The following SV2C variants were observed in gnomAD, a reference collection of about 807,000 sequenced individuals.
SV2C encodes the protein synaptic vesicle glycoprotein 2C.
A neutral mutation model predicts 79.7 loss-of-function variants in SV2C; 49 were observed. The observed-to-expected ratio is 0.61, with a 90% confidence interval of 0.49 to 0.78. The LOEUF is 0.78. Ranked by LOEUF, SV2C falls within the 30% of genes least tolerant of loss-of-function variation. The pLI, the probability that SV2C is intolerant of heterozygous loss-of-function variation, is 0.00. For synonymous variants in SV2C, 334 were observed against 333.2 expected, an observed-to-expected ratio of 1.00 and a Z score of -0.03; for missense variants, 833 against 912.9, an observed-to-expected ratio of 0.91 and a Z score of 1.13.
intron 12 of SV2C, chr5:76,353,091 C>T (rs1204236093): frequency 4.5e-6 from 2 of 441,606 alleles, no homozygotes; most frequent in Admixed American, 5.0e-5. Context: ...CAGGTGGGAG[C>T]CACCATGCCC....
chr5:75,875,839 G>T, the SV2C span, among the ~76,000 whole-genome samples: 3 of 152,074 alleles, frequency 2.0e-5, no homozygotes, highest in African/African-American at 4.8e-5. Context: ...CAATATCACT[G>T]ATCATTAGAT....
intron 12 of SV2C, among the ~76,000 whole-genome samples, chr5:76,349,783 C>T (rs377433230): frequency 1.3e-5 from 2 of 151,920 alleles, no homozygotes; most frequent in Non-Finnish European, 2.9e-5. Flanking sequence ...GAACCTCCCA[C>T]CTTGGCCTCC....
the SV2C span, among the ~76,000 whole-genome samples, chr5:75,999,656 T>C: frequency 5.0e-5 from 6 of 118,812 alleles, no homozygotes; most frequent in Admixed American, 2.4e-4. Context: ...CTCTGCCTTT[T>C]TTTTTTTTTC....
intron 4 of SV2C, 65 bp downstream of exon 4, chr5:76,209,952 T>C (rs893893549): frequency 6.6e-6 from 10 of 1,526,448 alleles, no homozygotes; most frequent in African/African-American, 5.5e-5. Flanking sequence ...CATTCCCATC[T>C]TCTTCCTCTC....
rs1554048489 is a variant in SV2C at position 76,330,561 on chromosome 5, C to CCG, written c.*5015_*5016insGC. The CCG allele has an allele frequency of 0.07, 10,512 of 149,452 alleles. 440 individuals are homozygous for CCG. The highest frequency in any genetic ancestry group is 0.092 in the East Asian group (466 of 5,068). 9.3% of individuals were successfully genotyped at this position (149,452 alleles called of 1,614,324 possible). On this transcript the variant is annotated 3_prime_UTR_variant, in exon 13 of 13. Coordinates refer to ENST00000502798, the MANE Select transcript of SV2C (RefSeq NM_014979.4). ...CCATTACATGTGAACCCTCCGCGCC[C>CCG]CCCCCCATAAATACAAAGTGTTATT...
At chr5:75,921,092 TG>T in the SV2C span, 1 of 784,000 alleles carries the variant, frequency 1.3e-6, no homozygotes, top group Non-Finnish European at 2.2e-6. Flanking sequence ...GCCAAACTCC[TG>T]GGTGAGGGCA....
the SV2C span, among the ~76,000 whole-genome samples, chr5:76,039,824 T>A: frequency 6.6e-6 from 1 of 151,500 alleles, no homozygotes; most frequent in Non-Finnish European, 1.5e-5. Flanking sequence ...TAACTACTTA[T>A]GGAGGATTGC....
At chr5:76,335,608 G>A (rs1412099735), downstream of SV2C, among the ~76,000 whole-genome samples, 1 of 151,738 alleles carries the variant, frequency 6.6e-6, no homozygotes, top group African/African-American at 2.4e-5. Flanking sequence ...TTGAGATTAG[G>A]GAGTGGTGAT....
At chr5:76,310,100 A>C (rs941722144) in intron 12 of SV2C, among the ~76,000 whole-genome samples, 6 of 152,186 alleles carry the variant, frequency 3.9e-5, no homozygotes, top group African/African-American at 1.2e-4. Flanking sequence ...GAACTATTTT[A>C]GTCATTGGGA....
At chr5:76,135,543 G>T (rs1035637746) in intron 2 of SV2C, among the ~76,000 whole-genome samples, 2 of 152,186 alleles carry the variant, frequency 1.3e-5, no homozygotes, top group East Asian at 1.9e-4. Context: ...GCTTTCAGGC[G>T]CCGCAGTCTT....
At chr5:76,166,428 T>C (rs946983158) in intron 2 of SV2C, among the ~76,000 whole-genome samples, 2 of 152,210 alleles carry the variant, frequency 1.3e-5, no homozygotes, top group Admixed American at 6.5e-5. Context: ...TGTAAAGAGA[T>C]AGAAGGAATG....
chr5:76,090,989 T>C (rs1441388741), intron 1 of SV2C, among the ~76,000 whole-genome samples: 1 of 152,218 alleles, frequency 6.6e-6, no homozygotes, highest in Non-Finnish European at 1.5e-5. Flanking sequence ...TATTTTAATA[T>C]CACTTTTTAG....
At chr5:76,257,143 C>T (rs112667704) in intron 4 of SV2C, among the ~76,000 whole-genome samples, 1,538 of 122,860 alleles carry the variant, frequency 0.013, 35 homozygotes, top group African/African-American at 0.038. Context: ...AAAGAAATTC[C>T]TTGATGTTCC....
chr5:76,228,205 T>C (rs930818592), intron 4 of SV2C, among the ~76,000 whole-genome samples: 2 of 152,160 alleles, frequency 1.3e-5, no homozygotes, highest in African/African-American at 2.4e-5. Flanking sequence ...TACTGCACCA[T>C]CAGGGAGAAT....
intron 4 of SV2C, among the ~76,000 whole-genome samples, chr5:76,259,653 G>C (rs1397972279): frequency 6.7e-6 from 1 of 148,888 alleles, no homozygotes; most frequent in Non-Finnish European, 1.5e-5. Context: ...CTATGTTCAT[G>C]TGTTCTCATT....
At chr5:75,879,585 G>A in the SV2C span, among the ~76,000 whole-genome samples, 2 of 152,114 alleles carry the variant, frequency 1.3e-5, no homozygotes, top group South Asian at 4.1e-4. Flanking sequence ...CAAGGCCTTG[G>A]GCAGCTTTGC....
At chr5:76,107,251 G>A (rs1747949249) in intron 1 of SV2C, among the ~76,000 whole-genome samples, 1 of 152,134 alleles carries the variant, frequency 6.6e-6, no homozygotes, top group Non-Finnish European at 1.5e-5. Context: ...CAAATATGAG[G>A]ATTATAAATT....
At chr5:76,276,907 A>T (rs905045900) in intron 4 of SV2C, among the ~76,000 whole-genome samples, 7 of 151,878 alleles carry the variant, frequency 4.6e-5, no homozygotes, top group African/African-American at 1.7e-4. Context: ...ATGGATTATA[A>T]CTTCCTTGAG....
chr5:76,033,207 C>T, the SV2C span, among the ~76,000 whole-genome samples: 3 of 151,948 alleles, frequency 2.0e-5, no homozygotes, highest in African/African-American at 7.3e-5. Flanking sequence ...TGCCTGTTCA[C>T]TCTGATGGTA....
Sources: allele counts gnomAD v4.1 joint callset (sites outside exome capture counted in the v4.1 genomes callset), GRCh38; gene constraint gnomAD v4.1.1; transcripts MANE v1.5; gene names NCBI Gene and HGNC (gene_info 2026-07-23, HGNC 2026-07-21).